Variants in RBFOX1 observed in about 807,000 individuals in gnomAD.
The protein encoded by RBFOX1 is RNA binding protein fox-1 homolog 1.
A neutral mutation model predicts 57.7 loss-of-function variants in RBFOX1; 8 were observed. The observed-to-expected ratio is 0.14, with a 90% CI of 0.08 to 0.25. The LOEUF is 0.25. RBFOX1 is among the 10% of genes least tolerant of loss of function. The pLI, the probability that RBFOX1 is intolerant of heterozygous loss-of-function variation, is 1.00. For synonymous variants in RBFOX1, 326 were observed against 222.4 expected, an observed-to-expected ratio of 1.47 and a Z score of -4.15; for missense variants, 611 against 548.5, an observed-to-expected ratio of 1.11 and a Z score of -1.14.
intron 1 of RBFOX1, among the ~76,000 whole-genome samples, chr16:6,145,710 C>T (rs951150520): frequency 6.6e-6 from 1 of 152,024 alleles, no homozygotes; most frequent in Non-Finnish European, 1.5e-5. Context: ...ATGTTTATGG[C>T]ATACGTCCAT....
At chr16:6,742,857 C>G (rs995680138) in intron 3 of RBFOX1, among the ~76,000 whole-genome samples, 1 of 152,082 alleles carries the variant, frequency 6.6e-6, no homozygotes, top group African/African-American at 2.4e-5. Flanking sequence ...TATAAAGGTA[C>G]AGCATGAAGG....
chr16:6,660,314 A>G (rs2098692964), intron 3 of RBFOX1, among the ~76,000 whole-genome samples: 1 of 152,048 alleles, frequency 6.6e-6, no homozygotes, highest in African/African-American at 2.4e-5. Context: ...TTGGTGATGG[A>G]TTGATAGGTG....
rs542797918 is a variant in RBFOX1 at position 7,066,817 on chromosome 16, C to G, written c.27+14719C>G. 2.6e-5 allele frequency among the ~76,000 whole-genome samples: 4 copies of G among 152,258 alleles called. No homozygotes were observed. In the South Asian group the frequency reaches 8.3e-4, roughly 32 times the overall value. ...AAGGTTTGGTTCAATAAGAGGAGCA[C>G]TTGATGTCAACTCTGTCTTCCCAGC... On this transcript the variant is annotated intron_variant, in intron 4 of 15. Transcript: ENST00000550418.
chr16:6,195,213 A>C (rs952067470), intron 1 of RBFOX1, among the ~76,000 whole-genome samples: 1 of 152,102 alleles, frequency 6.6e-6, no homozygotes, highest in Non-Finnish European at 1.5e-5. Flanking sequence ...TTTTATCCCC[A>C]TTATAGGTTT....
At chr16:5,287,878 A>G (rs1300838860) in intron 1 of RBFOX1, among the ~76,000 whole-genome samples, 1 of 152,218 alleles carries the variant, frequency 6.6e-6, no homozygotes, top group Non-Finnish European at 1.5e-5. Flanking sequence ...AGAGTCTTGG[A>G]TGCAGGGAGG....
At chr16:7,053,883 T>C (rs1179436100) in intron 4 of RBFOX1, among the ~76,000 whole-genome samples, 1 of 152,146 alleles carries the variant, frequency 6.6e-6, no homozygotes, top group Non-Finnish European at 1.5e-5. Context: ...TGAATTTATG[T>C]TTTGAATTGA....
At chr16:7,365,195 C>T (rs2097418548) in intron 4 of RBFOX1, among the ~76,000 whole-genome samples, 1 of 152,014 alleles carries the variant, frequency 6.6e-6, no homozygotes, top group African/African-American at 2.4e-5. Flanking sequence ...TCTTTTTAAC[C>T]ATAAACATCT....
At chr16:6,916,563 C>T (rs1026680792) in intron 3 of RBFOX1, among the ~76,000 whole-genome samples, 1 of 151,412 alleles carries the variant, frequency 6.6e-6, no homozygotes, top group Admixed American at 6.6e-5. Flanking sequence ...TTTAAGAAAT[C>T]CCATAAATCA....
At chr16:7,305,276 C>A (rs1483400315) in intron 4 of RBFOX1, among the ~76,000 whole-genome samples, 1 of 151,890 alleles carries the variant, frequency 6.6e-6, no homozygotes, top group Non-Finnish European at 1.5e-5. Flanking sequence ...TCCTTGGGAC[C>A]CTCTCTGCTC....
At chr16:7,023,999 T>C (rs1000014297) in intron 3 of RBFOX1, among the ~76,000 whole-genome samples, 1 of 152,126 alleles carries the variant, frequency 6.6e-6, no homozygotes, top group African/African-American at 2.4e-5. Flanking sequence ...CCACTTAGGT[T>C]TCTATATCCT....
chr16:7,338,389 C>T (rs1361778888), intron 4 of RBFOX1, among the ~76,000 whole-genome samples: 1 of 152,002 alleles, frequency 6.6e-6, no homozygotes, highest in Admixed American at 6.6e-5. Flanking sequence ...CCCTATACTC[C>T]ATGTTTTTAT....
At chr16:6,828,596 C>T (rs776560241) in intron 3 of RBFOX1, among the ~76,000 whole-genome samples, 4 of 151,776 alleles carry the variant, frequency 2.6e-5, no homozygotes, top group South Asian at 2.1e-4. Context: ...AAAAACCGGG[C>T]ATGGACCAAG....
intron 5 of RBFOX1, among the ~76,000 whole-genome samples, chr16:7,520,553 G>C (rs1029056186): frequency 1.1e-4 from 16 of 152,210 alleles, no homozygotes; most frequent in African/African-American, 3.9e-4. Flanking sequence ...TGTATGGATA[G>C]ACCGTGTTTA....
chr16:7,650,601 A>T (rs553151854), intron 11 of RBFOX1, among the ~76,000 whole-genome samples: 2 of 152,078 alleles, frequency 1.3e-5, no homozygotes, highest in Admixed American at 1.3e-4. Flanking sequence ...GTTTCATGTT[A>T]TATCTCAACA....
At chr16:6,238,782 G>A (rs982320390) in intron 1 of RBFOX1, among the ~76,000 whole-genome samples, 9 of 151,958 alleles carry the variant, frequency 5.9e-5, no homozygotes, top group Non-Finnish European at 1.2e-4. Context: ...TAATTTTTGT[G>A]GTTGTATATA....
At chr16:6,607,597 T>G (rs1348165449) in intron 2 of RBFOX1, among the ~76,000 whole-genome samples, 1 of 151,420 alleles carries the variant, frequency 6.6e-6, no homozygotes, top group Non-Finnish European at 1.5e-5. Context: ...CTCCTCTCTC[T>G]CTCTCCTCTC....
intron 1 of RBFOX1, among the ~76,000 whole-genome samples, chr16:6,112,666 G>A (rs568303572): frequency 6.6e-6 from 1 of 151,514 alleles, no homozygotes; most frequent in East Asian, 1.9e-4. Flanking sequence ...ACTCCAGCCT[G>A]GGCAACAAGA....
chr16:6,900,656 C>G (rs972822713), intron 3 of RBFOX1, among the ~76,000 whole-genome samples: 1 of 152,170 alleles, frequency 6.6e-6, no homozygotes, highest in Non-Finnish European at 1.5e-5. Context: ...CCTTCTTGAC[C>G]TCGTCCCACC....
rs116662507 is a variant in RBFOX1 at position 5,424,613 on chromosome 16, C to G, written c.220-42603C>G. The stretch of plus-strand genomic sequence containing the variant: ...TGATGGGTTGACAGGTACAGCAAAC[C>G]ACCATGGCACACGTTTATGTATCTA... On this transcript the variant is annotated intron_variant, in intron 1 of 2. Coordinates refer to the RBFOX1 transcript ENST00000585867. 9.0e-3 allele frequency among the ~76,000 whole-genome samples: 1,359 copies of G among 151,784 alleles called. 21 individuals are homozygous for G. The highest frequency in any genetic ancestry group is 0.032 in the African/African-American group (1,314 of 41,356).
Sources: gnomAD v4.1 joint callset for allele counts (sites outside exome capture counted in the v4.1 genomes callset) on GRCh38, gnomAD v4.1.1 for gene constraint, MANE v1.5 for transcripts, NCBI Gene and HGNC (gene_info 2026-07-23, HGNC 2026-07-21) for gene names.